The following ETV1 variants were observed in gnomAD, a reference collection of about 807,000 sequenced individuals.
The protein encoded by ETV1 is ETS translocation variant 1.
In ETV1, 27 loss-of-function variants were observed where a neutral mutation model predicts 62.3. That is an observed-to-expected ratio of 0.43 (90% CI 0.32 to 0.60). ETV1 has a LOEUF of 0.60. Ranked by LOEUF, ETV1 falls within the 20% of genes least tolerant of loss-of-function variation. ETV1 has a pLI of 0.06. For synonymous variants in ETV1, 222 were observed against 199.6 expected (o/e 1.11, Z -0.94); for missense variants, 605 against 605.8 (o/e 1.00, Z 0.01).
rs1583530007 is a variant in ETV1 at position 13,891,877 on chromosome 7, T to C, written c.*3989A>G. On this transcript the variant is annotated 3_prime_UTR_variant, in exon 14 of 14. Transcript: ENST00000430479. Reference sequence around the variant, plus strand: ...TTACTCACTTCTTATTTTTAAATTTTAGTTTTTGTTTTCTAGGATTCCAAG... The same window carrying C: ...TTACTCACTTCTTATTTTTAAATTTCAGTTTTTGTTTTCTAGGATTCCAAG... 4.3e-6 allele frequency: 1 copy of C among 231,486 alleles called. No homozygotes were observed. Among genetic ancestry groups the C allele is most frequent in the Non-Finnish European group, 8.5e-6 (1 of 116,984 alleles). The allele number at this position is 231,486 out of a possible 1,614,324, so 14.3% of individuals were successfully genotyped here. A position where few individuals can be genotyped will look rare whatever the true frequency, so the allele number is the denominator to read the frequency against.
chr7:13,934,617 A>G (rs980915093), intron 8 of ETV1, among the ~76,000 whole-genome samples: 4 of 152,356 alleles, frequency 2.6e-5, no homozygotes, highest in Admixed American at 6.5e-5. Context: ...TAACTTCACA[A>G]TCAAAAAATA....
intron 3 of ETV1, chr7:13,988,422 C>T (rs527766174): frequency 1.7e-6 from 1 of 578,548 alleles, no homozygotes; most frequent in East Asian, 2.9e-5. Context: ...TACTATTTAT[C>T]AATCATATAT....
chr7:13,934,969 T>C (rs1046294117), intron 8 of ETV1, among the ~76,000 whole-genome samples: 25 of 152,322 alleles, frequency 1.6e-4, no homozygotes, highest in African/African-American at 5.8e-4. Context: ...AGAGATGCTG[T>C]ATATAAGCAA....
chr7:13,911,464 C>T (rs773671176), intron 9 of ETV1, among the ~76,000 whole-genome samples, 157 bp from the exon 10 acceptor site: 12 of 152,110 alleles, frequency 7.9e-5, no homozygotes, highest in African/African-American at 2.7e-4. Context: ...AGGGCCCACA[C>T]ATGAAATGAA....
rs1414844304 is a variant in ETV1 at position 13,892,478 on chromosome 7, T to C, written c.*3388A>G. ...CCTAGATCCCTCAGCAGAACTCCAC[T>C]GTTCCTGAGTAAATCAATTAGAGTC... On this transcript the variant is annotated 3_prime_UTR_variant, in exon 14 of 14. Coordinates refer to ENST00000430479, the MANE Select transcript of ETV1 (RefSeq NM_004956.5). 5 of 232,920 alleles carry C rather than the reference T, an allele frequency of 2.1e-5. No homozygotes were observed. Among genetic ancestry groups the C allele is most frequent in the Non-Finnish European group, 4.2e-5 (5 of 117,910 alleles). The allele number at this position is 232,920 out of a possible 1,614,324, so 14.4% of individuals were successfully genotyped here.
intron 9 of ETV1, among the ~76,000 whole-genome samples, chr7:13,918,876 A>AT (rs1399002006): frequency 1.3e-5 from 2 of 148,922 alleles, no homozygotes; most frequent in African/African-American, 2.5e-5. Context: ...AAGTATAATA[A>AT]AAAAAAAAAA....
intron 6 of ETV1, among the ~76,000 whole-genome samples, chr7:13,964,355 A>T (rs1790531286): frequency 6.6e-6 from 1 of 152,162 alleles, no homozygotes; most frequent in African/African-American, 2.4e-5. Context: ...TTTTGCTGGT[A>T]ACTCTGCAGC....
chr7:13,896,764 G>GAAAGAAAGAAAA (rs1369394211), intron 13 of ETV1, among the ~76,000 whole-genome samples: 2 of 144,646 alleles, frequency 1.4e-5, no homozygotes, highest in Admixed American at 1.4e-4. Flanking sequence ...AAGAAAGAAA[G>GAAAGAAAGAAAA]AAAGAAAGAA....
chr7:13,899,059 T>C (rs1375040074), intron 13 of ETV1, among the ~76,000 whole-genome samples: 5 of 152,190 alleles, frequency 3.3e-5, no homozygotes, highest in East Asian at 3.9e-4. Flanking sequence ...TGTTCAAGAA[T>C]GTAATCTGGT....
chr7:13,959,488 T>C (rs542348095), intron 6 of ETV1, among the ~76,000 whole-genome samples: 5 of 152,326 alleles, frequency 3.3e-5, no homozygotes, highest in Non-Finnish European at 7.3e-5. Flanking sequence ...CCCATATAAA[T>C]AGATACTTAA....
intron 6 of ETV1, among the ~76,000 whole-genome samples, chr7:13,971,751 A>G (rs1780921486): frequency 6.6e-6 from 1 of 152,342 alleles, no homozygotes; most frequent in African/African-American, 2.4e-5. Context: ...GAAACAAACT[A>G]GTTCTAAAAA....
intron 9 of ETV1, among the ~76,000 whole-genome samples, chr7:13,912,567 G>A (rs1783669532): frequency 6.6e-6 from 1 of 152,012 alleles, no homozygotes; most frequent in Admixed American, 6.6e-5. Flanking sequence ...ACTTCCAAAG[G>A]CCCAACTTGT....
intron 3 of ETV1, 180 bp downstream of exon 3, chr7:13,988,828 T>C: frequency 1.2e-6 from 2 of 1,600,630 alleles, no homozygotes; most frequent in Non-Finnish European, 1.7e-6. Context: ...TCCAAATCAC[T>C]GAAAGGTAAG....
chr7:13,968,256 TAAA>T (rs1780511635), intron 6 of ETV1, among the ~76,000 whole-genome samples: 1 of 151,928 alleles, frequency 6.6e-6, no homozygotes, highest in African/African-American at 2.4e-5. Flanking sequence ...AGGACAAAAT[TAAA>T]GAAGAAAAAT....
At chr7:13,938,175 C>A (rs1330447051) in intron 7 of ETV1, among the ~76,000 whole-genome samples, 2 of 152,136 alleles carry the variant, frequency 1.3e-5, no homozygotes, top group South Asian at 2.1e-4. Flanking sequence ...GAACTCCCGA[C>A]CTCAGGTGAT....
intron 6 of ETV1, among the ~76,000 whole-genome samples, chr7:13,955,460 C>A (rs777591257): frequency 6.6e-6 from 1 of 152,076 alleles, no homozygotes; most frequent in Non-Finnish European, 1.5e-5. Context: ...ATTTACAGCA[C>A]AAGAGCTACA....
intron 9 of ETV1, among the ~76,000 whole-genome samples, chr7:13,924,114 T>C (rs992992546): frequency 6.6e-6 from 1 of 152,160 alleles, no homozygotes; most frequent in African/African-American, 2.4e-5. Context: ...CAGCTTTCTT[T>C]ACATCGATTT....
At chr7:13,926,332 T>A (rs1159653891) in intron 9 of ETV1, among the ~76,000 whole-genome samples, 2 of 152,056 alleles carry the variant, frequency 1.3e-5, no homozygotes, top group Admixed American at 6.6e-5. Flanking sequence ...CTGTAAGATA[T>A]CAAAAAGTAA....
intron 9 of ETV1, among the ~76,000 whole-genome samples, chr7:13,918,844 T>C (rs1205617346): frequency 1.4e-5 from 2 of 143,812 alleles, no homozygotes; most frequent in South Asian, 2.2e-4. Context: ...CTGCACAATG[T>C]GCACATGTAC....
Sources: gnomAD v4.1 joint callset for allele counts (sites outside exome capture counted in the v4.1 genomes callset) on GRCh38, gnomAD v4.1.1 for gene constraint, MANE v1.5 for transcripts, NCBI Gene and HGNC (gene_info 2026-07-23, HGNC 2026-07-21) for gene names.